Variants in CD63 observed in about 807,000 individuals in gnomAD.
CD63 encodes CD63 molecule, also known as CD63 antigen.
A neutral mutation model predicts 29.2 loss-of-function variants in CD63; 16 were observed. The ratio of observed to expected loss-of-function variants is 0.55; its 90% CI spans 0.37 to 0.83. CD63 has a LOEUF of 0.83. Among genes scored for constraint, CD63 ranks in the 40% least tolerant of loss-of-function variants. The pLI is 0.00. For missense variants in CD63, 251 were observed against 297.3 expected (o/e 0.84, Z 1.15); for synonymous variants, 118 against 111.7 (o/e 1.06, Z -0.36).
chr12:55,723,636 C>G (rs899187655), downstream of CD63: 26 of 515,458 alleles, frequency 5.0e-5, no homozygotes, highest in African/African-American at 5.0e-4. Context: ...GCCTGCCATG[C>G]TTAAAATATT....
intron 2 of CD63, 92 bp from the exon 3 acceptor site, chr12:55,727,431 G>C (rs919347497): frequency 7.6e-7 from 1 of 1,315,984 alleles, no homozygotes; most frequent in African/African-American, 1.5e-5. Context: ...ACACAGACTT[G>C]ACCCCATCCG....
At chr12:55,729,173 C>G, upstream of CD63, 1 of 976,818 alleles carries the variant, frequency 1.0e-6, no homozygotes, top group Non-Finnish European at 1.2e-6. Flanking sequence ...AGCCCCCCGC[C>G]CGGCCAGGGC....
downstream of CD63, chr12:55,725,275 A>G (rs1877177680): frequency 2.0e-6 from 1 of 490,062 alleles, no homozygotes; most frequent in Non-Finnish European, 3.7e-6. Flanking sequence ...ACTAGGGGGC[A>G]GAAAGCACCA....
chr12:55,724,312 G>A (rs1877089769), downstream of CD63: 1 of 1,614,048 alleles, frequency 6.2e-7, no homozygotes, highest in Middle Eastern at 1.6e-4. Context: ...AACCACCTAT[G>A]GGGCTGCAGA....
chr12:55,725,290 C>T, downstream of CD63: 1 of 523,372 alleles, frequency 1.9e-6, no homozygotes, highest in South Asian at 2.1e-5. Flanking sequence ...GCACCACAGT[C>T]TCTGGATCCT....
chr12:55,729,225 G>C, upstream of CD63: 2 of 845,668 alleles, frequency 2.4e-6, no homozygotes, highest in Non-Finnish European at 2.8e-6. Context: ...CCCCCGCAAA[G>C]GGAAAGCCGC....
chr12:55,726,445 A>G, intron 5 of CD63, 184 bp from the exon 6 acceptor site: 1 of 644,304 alleles, frequency 1.6e-6, no homozygotes, highest in South Asian at 2.0e-5. Context: ...CCCGGGTTCA[A>G]GCGATTCTCC....
At chr12:55,727,670 G>GC (rs34021947) in intron 2 of CD63, 248,536 of 1,085,044 alleles carry the variant, frequency 0.23, 30,378 homozygotes, top group East Asian at 0.33. Context: ...TCCCAGAACT[G>GC]CCCCCTCACT....
At position 55,728,445 on chromosome 12, in the gene CD63, C is replaced by T; in HGVS notation, c.-11-93G>A. On this transcript the variant is annotated intron_variant, in intron 1 of 7. Transcript: ENST00000257857. The surrounding 1 kb of genome is among the most constrained non-coding windows in gnomAD (Gnocchi z 4.8). ...GCCGGCCCTCGAGGGCTTCCCTTCA[C>T]GGCCCCGATTCCCGGCCCCTCCCAC... is the stretch of plus-strand genomic sequence containing the variant. The T allele has an allele frequency of 6.6e-7, 1 of 1,526,220 alleles. No homozygotes were observed. Among genetic ancestry groups the T allele is most frequent in the Non-Finnish European group, 8.8e-7 (1 of 1,136,452 alleles). 94.5% of individuals were successfully genotyped at this position (1,526,220 alleles called of 1,614,324 possible). A position where few individuals can be genotyped will look rare whatever the true frequency, so the allele number is the denominator to read the frequency against.
At chr12:55,725,250 G>A (rs1240996207), downstream of CD63, 1 of 427,120 alleles carries the variant, frequency 2.3e-6, no homozygotes, top group Non-Finnish European at 4.3e-6. Flanking sequence ...TTCATAGTGA[G>A]CCTGGCAGCA....
rs142136149 is a variant in CD63 at position 55,726,552 on chromosome 12, C to G, written c.426+148G>C. On this transcript the variant is annotated intron_variant, in intron 5 of 7. Coordinates refer to ENST00000257857, the MANE Select transcript of CD63 (RefSeq NM_001780.6). The stretch of plus-strand genomic sequence containing the variant: ...TAGAGACAGGGTTTCACCACGTTGG[C>G]CAGGCTAGTCTTGAACTTCTGACCT... The G allele has an allele frequency of 1.9e-3, 1,326 of 693,070 alleles. 11 individuals carry two copies. The African/African-American group carries it at 0.021, about 11-fold the overall frequency. The allele number at this position is 693,070 out of a possible 1,614,324, so 42.9% of individuals were successfully genotyped here. A position where few individuals can be genotyped will look rare whatever the true frequency, so the allele number is the denominator to read the frequency against.
chr12:55,724,620 C>A, downstream of CD63: 3 of 1,316,244 alleles, frequency 2.3e-6, no homozygotes, highest in Non-Finnish European at 2.2e-6. Context: ...CCTGGTACTG[C>A]CTGGTGCCTG....
upstream of CD63, chr12:55,729,017 C>T (rs1032446701): frequency 1.6e-5 from 16 of 985,020 alleles, no homozygotes; most frequent in African/African-American, 1.8e-5. Flanking sequence ...TCTAGCTGCG[C>T]CCCCCGGCTC....
downstream of CD63, chr12:55,724,259 C>T: frequency 6.3e-7 from 1 of 1,584,498 alleles, no homozygotes; most frequent in Non-Finnish European, 8.7e-7. Flanking sequence ...CCCCAGAAGA[C>T]AGTACCTAAG....
At chr12:55,724,513 G>T, downstream of CD63, 2 of 1,612,838 alleles carry the variant, frequency 1.2e-6, no homozygotes, top group South Asian at 2.2e-5. Context: ...GCTCACCTGG[G>T]TCCTTCCCAA....
chr12:55,729,571 C>A (rs1877780342), upstream of CD63: 1 of 152,348 alleles, frequency 6.6e-6, no homozygotes, highest in Non-Finnish European at 1.5e-5. Context: ...AAGTCCCTGG[C>A]TCACATCCTG....
chr12:55,723,941 C>T (rs375135224), downstream of CD63: 53 of 1,614,020 alleles, frequency 3.3e-5, no homozygotes, highest in Admixed American at 1.2e-4. Flanking sequence ...TGGCTTCTTC[C>T]GAACCCCTGT....
At chr12:55,727,966 G>A in intron 2 of CD63, 1 of 1,214,390 alleles carries the variant, frequency 8.2e-7, no homozygotes, top group Non-Finnish European at 1.1e-6. Context: ...AAGCCCCATG[G>A]CGATAGCATC....
intron 7 of CD63, 39 bp from the exon 8 acceptor site, chr12:55,725,665 G>T: frequency 6.3e-7 from 1 of 1,595,188 alleles, no homozygotes; most frequent in Non-Finnish European, 8.6e-7. Flanking sequence ...AGAGGAGTCA[G>T]AAGGGCTAGC....
Sources: allele counts gnomAD v4.1 joint callset, GRCh38; gene constraint gnomAD v4.1.1; non-coding constraint Gnocchi (gnomAD v3.1); transcripts MANE v1.5; gene names NCBI Gene and HGNC (gene_info 2026-07-23, HGNC 2026-07-21).